Variants in NEMP2 observed in about 807,000 individuals in gnomAD.
The protein encoded by NEMP2 is UPF0571 transmembrane protein.
NEMP2 carries 53 observed loss-of-function variants against 54.2 expected under a neutral mutation model. That is an observed-to-expected ratio of 0.98 (90% CI 0.78 to 1.23). NEMP2 has a LOEUF of 1.23. Ranked by LOEUF, NEMP2 falls within the 50% of genes most tolerant of loss-of-function variation. NEMP2 has a pLI of 0.00. For synonymous variants in NEMP2, 197 were observed against 190.3 expected (o/e 1.04, Z -0.29); for missense variants, 455 against 511.3 (o/e 0.89, Z 1.06).
At chr2:190,471,728 C>A in the NEMP2 span, among the ~76,000 whole-genome samples, 1 of 152,224 alleles carries the variant, frequency 6.6e-6, no homozygotes, top group African/African-American at 2.4e-5. The surrounding 1 kb of genome is among the most constrained non-coding windows in gnomAD (Gnocchi z 4.7). Context: ...CCCTGTCTGA[C>A]AGCTTTGAAG....
In NEMP2 at chr2:190,521,977, T is replaced by C. The variant is rs1427279857; in HGVS notation, c.214-2794A>G. The stretch of plus-strand genomic sequence containing the variant: ...GTTTCATGGCTTTAGGCACCATCTA[T>C]ATAAATATGCATCGCTAATTACTTT... On this transcript the variant is annotated intron_variant, in intron 2 of 8. Transcript: ENST00000409150. This position sits in a 1 kb window ranked among gnomAD's most constrained non-coding sequence, Gnocchi z 6.2. Among the ~76,000 whole-genome samples, 1 of 152,072 alleles carries C rather than the reference T, an allele frequency of 6.6e-6. No homozygotes were observed. The highest frequency in any genetic ancestry group is 1.5e-5 in the Non-Finnish European group (1 of 68,028).
At chr2:190,428,458 A>G in the NEMP2 span, among the ~76,000 whole-genome samples, 2 of 152,188 alleles carry the variant, frequency 1.3e-5, no homozygotes, top group African/African-American at 4.8e-5. Flanking sequence ...CCTCATCAAC[A>G]TTTGATATTA....
At chr2:190,421,831 T>A in the NEMP2 span, among the ~76,000 whole-genome samples, 1 of 152,196 alleles carries the variant, frequency 6.6e-6, no homozygotes, top group Non-Finnish European at 1.5e-5. Context: ...GATTATCACC[T>A]GTATGTCTTT....
At chr2:190,594,012 G>A in the NEMP2 span, among the ~76,000 whole-genome samples, 1 of 152,164 alleles carries the variant, frequency 6.6e-6, no homozygotes, top group Non-Finnish European at 1.5e-5. The surrounding 1 kb of genome is among the most constrained non-coding windows in gnomAD (Gnocchi z 5.6). Context: ...CATGTGATGA[G>A]AATCAAACTA....
chr2:190,610,193 G>T, the NEMP2 span: 1 of 152,238 alleles, frequency 6.6e-6, no homozygotes, highest in East Asian at 1.9e-4. This position sits in a 1 kb window ranked among gnomAD's most constrained non-coding sequence, Gnocchi z 5.4. Context: ...TCTCTTCATG[G>T]TAGGACTGGT....
chr2:190,558,563 T>C, the NEMP2 span, among the ~76,000 whole-genome samples: 1 of 152,248 alleles, frequency 6.6e-6, no homozygotes, highest in African/African-American at 2.4e-5. The surrounding 1 kb of genome is among the most constrained non-coding windows in gnomAD (Gnocchi z 4.4). Flanking sequence ...TGCCAGCAGG[T>C]AAAATTGTTA....
chr2:190,560,108 G>A, the NEMP2 span, among the ~76,000 whole-genome samples: 1 of 152,170 alleles, frequency 6.6e-6, no homozygotes, highest in Non-Finnish European at 1.5e-5. This position sits in a 1 kb window ranked among gnomAD's most constrained non-coding sequence, Gnocchi z 5.4. Flanking sequence ...CAGAAGATCA[G>A]GGCAAAAATG....
the NEMP2 span, among the ~76,000 whole-genome samples, chr2:190,552,900 T>A: frequency 6.6e-6 from 1 of 152,164 alleles, no homozygotes; most frequent in Non-Finnish European, 1.5e-5. Flanking sequence ...TTTTTCAGTC[T>A]ACTGCTGGTA....
chr2:190,477,241 T>C, the NEMP2 span: 1 of 982,660 alleles, frequency 1.0e-6, no homozygotes, highest in Non-Finnish European at 1.2e-6. Flanking sequence ...GAACTGCAGG[T>C]AAGAATGATT....
chr2:190,611,568 C>T, the NEMP2 span, among the ~76,000 whole-genome samples: 2 of 152,136 alleles, frequency 1.3e-5, no homozygotes, highest in Admixed American at 6.6e-5. This position sits in a 1 kb window ranked among gnomAD's most constrained non-coding sequence, Gnocchi z 5.4. Flanking sequence ...GGATGATACC[C>T]CTTTAACTTT....
the NEMP2 span, among the ~76,000 whole-genome samples, chr2:190,479,313 T>C: frequency 1.3e-5 from 2 of 152,196 alleles, no homozygotes; most frequent in Non-Finnish European, 2.9e-5. Flanking sequence ...TGTTATTCAG[T>C]AGGCAACTGG....
At chr2:190,467,200 G>C in the NEMP2 span, among the ~76,000 whole-genome samples, 1 of 152,258 alleles carries the variant, frequency 6.6e-6, no homozygotes. The surrounding 1 kb of genome is among the most constrained non-coding windows in gnomAD (Gnocchi z 5.5). Flanking sequence ...GGCTCAGTAA[G>C]AGAACAACCT....
At chr2:190,515,628 G>A (rs767552457) in intron 6 of NEMP2, among the ~76,000 whole-genome samples, 4 of 152,154 alleles carry the variant, frequency 2.6e-5, no homozygotes, top group Non-Finnish European at 4.4e-5. Flanking sequence ...ACAAAAAGAA[G>A]AACGAGCTAA....
chr2:190,483,578 C>T, the NEMP2 span, among the ~76,000 whole-genome samples: 3 of 151,988 alleles, frequency 2.0e-5, no homozygotes, highest in Non-Finnish European at 4.4e-5. Context: ...GGCTCACGCC[C>T]GTAATCCCAG....
chr2:190,535,686 A>G (rs1691353132), upstream of NEMP2, among the ~76,000 whole-genome samples: 1 of 152,248 alleles, frequency 6.6e-6, no homozygotes. Context: ...TTGCCCTCAA[A>G]GAAAGGTTTA....
At chr2:190,645,808 CT>C in the NEMP2 span, among the ~76,000 whole-genome samples, 1 of 152,190 alleles carries the variant, frequency 6.6e-6, no homozygotes. Context: ...ATAATATAGT[CT>C]CATTCCTTAG....
At chr2:190,547,862 A>G in the NEMP2 span, among the ~76,000 whole-genome samples, 2 of 152,184 alleles carry the variant, frequency 1.3e-5, no homozygotes, top group African/African-American at 4.8e-5. The surrounding 1 kb of genome is among the most constrained non-coding windows in gnomAD (Gnocchi z 6.2). Flanking sequence ...CTTATAATAA[A>G]ATAAGAAAAA....
At chr2:190,624,667 G>C in the NEMP2 span, 1 of 152,196 alleles carries the variant, frequency 6.6e-6, no homozygotes, top group Non-Finnish European at 1.5e-5. Flanking sequence ...AACTTGGATG[G>C]ATCTGGAGGT....
chr2:190,423,467 C>T, the NEMP2 span, among the ~76,000 whole-genome samples: 1 of 152,136 alleles, frequency 6.6e-6, no homozygotes, highest in Non-Finnish European at 1.5e-5. This position sits in a 1 kb window ranked among gnomAD's most constrained non-coding sequence, Gnocchi z 4.3. Context: ...CAATCGTTTG[C>T]TCCTTTTTAT....
Sources: allele counts gnomAD v4.1 joint callset (sites outside exome capture counted in the v4.1 genomes callset), GRCh38; gene constraint gnomAD v4.1.1; non-coding constraint Gnocchi (gnomAD v3.1); transcripts MANE v1.5; gene names NCBI Gene and HGNC (gene_info 2026-07-23, HGNC 2026-07-21).